The following C1QTNF7 variants were observed in gnomAD, a reference collection of about 807,000 sequenced individuals.
The protein encoded by C1QTNF7 is C1q and TNF related 7.
A neutral mutation model predicts 19.6 loss-of-function variants in C1QTNF7; 15 were observed. The ratio of observed to expected loss-of-function variants is 0.76; its 90% CI spans 0.51 to 1.18. The LOEUF (loss-of-function observed/expected upper bound fraction) is 1.18. Among genes scored for constraint, C1QTNF7 ranks in the 50% most tolerant of loss-of-function variants. The pLI is 0.00. For missense variants in C1QTNF7, 324 were observed against 359.7 expected (o/e 0.90, Z 0.80); for synonymous variants, 142 against 137.5 (o/e 1.03, Z -0.23).
intron 1 of C1QTNF7, among the ~76,000 whole-genome samples, chr4:15,348,032 C>T (rs573765870): frequency 2.0e-5 from 3 of 152,184 alleles, no homozygotes; most frequent in Admixed American, 1.3e-4. Flanking sequence ...CTCCACTGGA[C>T]TCACTGGAAG....
intron 1 of C1QTNF7, among the ~76,000 whole-genome samples, chr4:15,393,014 T>C (rs193109346): frequency 2.2e-4 from 33 of 152,284 alleles, no homozygotes; most frequent in Admixed American, 2.1e-3. Flanking sequence ...CTCCCAAAAT[T>C]TCCACGTGTT....
rs553790665 is a variant in C1QTNF7 at position 15,377,663 on chromosome 4, G to A, written c.13+37456G>A. On this transcript the variant is annotated intron_variant, in intron 1 of 2. Coordinates refer to the C1QTNF7 transcript ENST00000295297. Reference sequence around the variant, plus strand: ...ACTTGGTGTACTGGGAACTTTAGATGCCTGGGAAGAGGTCATGGAAAGGGT... The same window carrying A: ...ACTTGGTGTACTGGGAACTTTAGATACCTGGGAAGAGGTCATGGAAAGGGT... Among the ~76,000 whole-genome samples the A allele has an allele frequency of 3.3e-5, 5 of 152,262 alleles. No homozygotes were observed. The South Asian group carries it at 1.0e-3, about 32-fold the overall frequency.
chr4:15,369,775 T>C (rs893965740), intron 1 of C1QTNF7, among the ~76,000 whole-genome samples: 4 of 152,290 alleles, frequency 2.6e-5, no homozygotes, highest in Non-Finnish European at 5.9e-5. Flanking sequence ...CAGTCAGTGA[T>C]ATTTCAGTTG....
intron 1 of C1QTNF7, among the ~76,000 whole-genome samples, chr4:15,400,545 C>G (rs1228966069): frequency 2.0e-5 from 3 of 152,180 alleles, no homozygotes; most frequent in African/African-American, 7.2e-5. Flanking sequence ...CAATATTTTC[C>G]CTCCAACATT....
At chr4:15,392,370 A>T (rs979266374) in intron 1 of C1QTNF7, among the ~76,000 whole-genome samples, 15 of 152,242 alleles carry the variant, frequency 9.9e-5, no homozygotes, top group African/African-American at 3.4e-4. Flanking sequence ...TCCTCGCAGA[A>T]CCAAGGTACA....
intron 1 of C1QTNF7, chr4:15,374,863 C>G: frequency 6.6e-6 from 4 of 603,418 alleles, no homozygotes; most frequent in Non-Finnish European, 7.8e-6. Context: ...TTCTCTCTCT[C>G]TCTCTCTCTT....
intron 1 of C1QTNF7, among the ~76,000 whole-genome samples, chr4:15,380,170 T>C (rs904895684): frequency 3.9e-5 from 6 of 152,252 alleles, no homozygotes; most frequent in Non-Finnish European, 8.8e-5. Context: ...GGCATGAAAA[T>C]TGAACTGTGT....
intron 1 of C1QTNF7, among the ~76,000 whole-genome samples, chr4:15,395,427 C>T (rs566421336): frequency 6.6e-6 from 1 of 152,256 alleles, no homozygotes. Flanking sequence ...TGCAGTCTCT[C>T]CCCAGTCAAA....
intron 1 of C1QTNF7, among the ~76,000 whole-genome samples, chr4:15,433,771 C>T (rs1351112625): frequency 6.6e-6 from 1 of 152,176 alleles, no homozygotes; most frequent in African/African-American, 2.4e-5. Flanking sequence ...AAGAGCTTGG[C>T]AAGTCCCAGA....
At chr4:15,440,809 T>TG (rs1396110174) in intron 2 of C1QTNF7, among the ~76,000 whole-genome samples, 2 of 152,144 alleles carry the variant, frequency 1.3e-5, no homozygotes, top group Non-Finnish European at 2.9e-5. Context: ...TGTAGCATGT[T>TG]GAGCCCTCGC....
At chr4:15,385,101 G>A (rs1465087542) in intron 1 of C1QTNF7, among the ~76,000 whole-genome samples, 1 of 152,160 alleles carries the variant, frequency 6.6e-6, no homozygotes, top group Non-Finnish European at 1.5e-5. Flanking sequence ...TGGTCTCTTT[G>A]ACTTGTTTTT....
intron 1 of C1QTNF7, among the ~76,000 whole-genome samples, chr4:15,432,319 A>C (rs1416550201): frequency 6.6e-6 from 1 of 152,188 alleles, no homozygotes; most frequent in African/African-American, 2.4e-5. Context: ...TTCTTGCATC[A>C]ACTGAATCCC....
chr4:15,369,982 C>A (rs1017407806), intron 1 of C1QTNF7, among the ~76,000 whole-genome samples: 3 of 152,114 alleles, frequency 2.0e-5, no homozygotes, highest in Admixed American at 6.5e-5. Context: ...TACATGAGAT[C>A]ATATTGTATT....
chr4:15,425,485 GC>G (rs1394690713), upstream of C1QTNF7, among the ~76,000 whole-genome samples: 1 of 152,186 alleles, frequency 6.6e-6, no homozygotes, highest in African/African-American at 2.4e-5. Context: ...TATAAGCAAG[GC>G]ACTGAGGTTA....
chr4:15,431,526 C>A (rs1006603344), intron 1 of C1QTNF7, among the ~76,000 whole-genome samples: 13 of 152,038 alleles, frequency 8.6e-5, no homozygotes, highest in Non-Finnish European at 1.5e-4. Context: ...TTTTAAACAC[C>A]CTAGACTATG....
chr4:15,391,096 T>C (rs930706425), intron 1 of C1QTNF7, among the ~76,000 whole-genome samples: 2 of 151,954 alleles, frequency 1.3e-5, no homozygotes, highest in East Asian at 2.0e-4. Flanking sequence ...TGACTTCATG[T>C]TGTGTTGAAT....
intron 1 of C1QTNF7, chr4:15,361,065 A>G (rs570485175): frequency 6.6e-6 from 1 of 152,292 alleles, no homozygotes; most frequent in South Asian, 2.1e-4. Context: ...AAGCAATTCT[A>G]TTTAGTATTT....
At chr4:15,391,372 A>T (rs540230849) in intron 1 of C1QTNF7, among the ~76,000 whole-genome samples, 1 of 152,198 alleles carries the variant, frequency 6.6e-6, no homozygotes, top group African/African-American at 2.4e-5. Flanking sequence ...TGAGCCACGG[A>T]ATATCCTGAA....
At chr4:15,425,089 A>G (rs1404633519), upstream of C1QTNF7, among the ~76,000 whole-genome samples, 1 of 152,122 alleles carries the variant, frequency 6.6e-6, no homozygotes, top group Non-Finnish European at 1.5e-5. Context: ...AGACACAAAG[A>G]AGACCAGATT....
Sources: gnomAD v4.1 joint callset for allele counts (sites outside exome capture counted in the v4.1 genomes callset) on GRCh38, gnomAD v4.1.1 for gene constraint, MANE v1.5 for transcripts, NCBI Gene and HGNC (gene_info 2026-07-23, HGNC 2026-07-21) for gene names.